Variants in SRSF10 observed in about 807,000 individuals in gnomAD.
SRSF10 encodes serine and arginine rich splicing factor 10, also known as serine/arginine-rich splicing factor 10.
In SRSF10, 9 loss-of-function variants were observed where a neutral mutation model predicts 32.6. That is an observed-to-expected ratio of 0.28 (90% confidence interval 0.17 to 0.48). SRSF10 has a LOEUF of 0.48. Among genes scored for constraint, SRSF10 ranks in the 20% least tolerant of loss-of-function variants. The probability of loss-of-function intolerance (pLI) is 0.99; values close to 1 mark genes in which losing one functional copy is unlikely to be tolerated. For synonymous variants in SRSF10, 105 were observed against 112.4 expected (o/e 0.93, Z 0.42); for missense variants, 201 against 331.8 (o/e 0.61, Z 3.06).
intron 1 of SRSF10, 58 bp downstream of exon 1, chr1:23,980,133 C>T (rs958002104): frequency 4.7e-6 from 7 of 1,499,682 alleles, no homozygotes; most frequent in Non-Finnish European, 5.4e-6. Flanking sequence ...CCACCAGGGT[C>T]CTCTCCAGGC....
chr1:23,980,070 G>T lies in SRSF10; in HGVS notation c.65+121C>A, dbSNP rs372538021. 15 of 1,137,392 alleles carry T rather than the reference G, an allele frequency of 1.3e-5. No homozygotes were observed. The East Asian group carries it at 2.5e-4, about 19-fold the overall frequency. 70.5% of individuals were successfully genotyped at this position (1,137,392 alleles called of 1,614,324 possible). ...CGCGGCCTAGTTCGGCGCCAAAGCGGGCGCGGGACCCGCCATCTTCACTCC... is the reference window on the plus strand; with the variant it reads ...CGCGGCCTAGTTCGGCGCCAAAGCGTGCGCGGGACCCGCCATCTTCACTCC... On this transcript the variant is annotated intron_variant, in intron 1 of 5. Transcript: ENST00000492112.
intron 2 of SRSF10, chr1:23,977,077 G>A (rs1642138812): frequency 6.6e-6 from 1 of 152,160 alleles, no homozygotes; most frequent in African/African-American, 2.4e-5. Context: ...TACTAAGCCA[G>A]ATATAGCTAT....
chr1:23,972,392 C>CT (rs1641812259), intron 3 of SRSF10, among the ~76,000 whole-genome samples: 1 of 147,918 alleles, frequency 6.8e-6, no homozygotes, highest in African/African-American at 2.5e-5. Context: ...GTCAGAGACC[C>CT]TGTCTCCAAA....
Position 23,969,405 on chromosome 1 carries a change from T to G in SRSF10, c.*1737A>C. The stretch of plus-strand genomic sequence containing the variant: ...CGATTGCATAGCAGAACATGAACAT[T>G]AACTGCAAACAGTAAAGAAATGAAA... On this transcript the variant is annotated 3_prime_UTR_variant, in exon 6 of 6. Transcript: ENST00000492112. 1.0e-6 allele frequency: 1 copy of G among 985,684 alleles called. No homozygotes were observed. The highest frequency in any genetic ancestry group is 1.2e-6 in the Non-Finnish European group (1 of 829,766). The allele number at this position is 985,684 out of a possible 1,614,324, so 61.1% of individuals were successfully genotyped here.
In SRSF10 at chr1:23,974,066, A is replaced by G. The variant is rs778442234; in HGVS notation, c.274+908T>C. Among the ~76,000 whole-genome samples the G allele has an allele frequency of 2.4e-3, 361 of 148,844 alleles. 1 individual carries two copies. Among genetic ancestry groups the G allele is most frequent in the Non-Finnish European group, 3.8e-3 (255 of 67,628 alleles). Reference sequence around the variant, plus strand: ...GAGTGCAGTGGCATGATCTCGGCTCACTGCAACCTCTGCCTGCCGGGTTCA... The same window carrying G: ...GAGTGCAGTGGCATGATCTCGGCTCGCTGCAACCTCTGCCTGCCGGGTTCA... On this transcript the variant is annotated intron_variant, in intron 3 of 5. Transcript: ENST00000492112.
chr1:23,966,037 C>A lies in SRSF10; in HGVS notation c.*5105G>T, dbSNP rs1159991650. ...TTTGACTCTAAGTAAATTCTAGATC[C>A]CATTATATCAATGTTACTATCTCCA... On this transcript the variant is annotated 3_prime_UTR_variant, in exon 6 of 6. Coordinates refer to ENST00000492112, the MANE Select transcript of SRSF10 (RefSeq NM_054016.4). 1.3e-5 allele frequency: 2 copies of A among 151,672 alleles called. No individual in the cohort carries two copies. Among genetic ancestry groups the A allele is most frequent in the African/African-American group, 4.8e-5 (2 of 41,348 alleles). The allele number at this position is 151,672 out of a possible 1,614,324, so 9.4% of individuals were successfully genotyped here.
At chr1:23,979,305 AATT>A (rs1450093957) in intron 1 of SRSF10, among the ~76,000 whole-genome samples, 41 of 131,062 alleles carry the variant, frequency 3.1e-4, no homozygotes, top group Non-Finnish European at 7.0e-5. Flanking sequence ...TTATGGAAAG[AATT>A]ATTGCTTTCT....
At chr1:23,979,990 C>G (rs746936063) in intron 1 of SRSF10, among the ~76,000 whole-genome samples, 1 of 152,214 alleles carries the variant, frequency 6.6e-6, no homozygotes, top group Non-Finnish European at 1.5e-5. Context: ...CGCCACGCGG[C>G]CCGGCGAAGG....
Position 23,964,971 on chromosome 1 carries a change from T to C in SRSF10, c.*6171A>G, listed in dbSNP as rs1641383495. On this transcript the variant is annotated 3_prime_UTR_variant, in exon 6 of 6. Transcript: ENST00000492112. ...TCCAAGAAAAATCCCCATTATGCAATACAAGGGTGAAACAGCTGTTACAAA... is the reference window on the plus strand; with the variant it reads ...TCCAAGAAAAATCCCCATTATGCAACACAAGGGTGAAACAGCTGTTACAAA... 1 of 151,824 alleles carries C rather than the reference T, an allele frequency of 6.6e-6. No individual in the cohort carries two copies. Among genetic ancestry groups the C allele is most frequent in the Non-Finnish European group, 1.5e-5 (1 of 67,828 alleles). 9.4% of individuals were successfully genotyped at this position (151,824 alleles called of 1,614,324 possible).
At position 23,970,605 on chromosome 1, in the gene SRSF10, C is replaced by G. The variant is rs573453094; in HGVS notation, c.*537G>C. The G allele has an allele frequency of 0.018, 16,662 of 901,836 alleles. 170 individuals carry two copies. The highest frequency in any genetic ancestry group is 0.02 in the Non-Finnish European group (15,340 of 753,920). 55.9% of individuals were successfully genotyped at this position (901,836 alleles called of 1,614,324 possible). A position where few individuals can be genotyped will look rare whatever the true frequency, so the allele number is the denominator to read the frequency against. On this transcript the variant is annotated 3_prime_UTR_variant, in exon 6 of 6. Coordinates refer to ENST00000492112, the MANE Select transcript of SRSF10 (RefSeq NM_054016.4). ...CGAACTCCTGACCTCGTGATCCGCC[C>G]GCCTCGGCCTCCCAAAGTGCTGGGA... is the stretch of plus-strand genomic sequence containing the variant.
Position 23,980,306 on chromosome 1 carries a change from G to A in SRSF10, c.-51C>T. The A allele has an allele frequency of 2.9e-6, 4 of 1,386,740 alleles. No homozygotes were observed. The highest frequency in any genetic ancestry group is 2.8e-6 in the Non-Finnish European group (3 of 1,062,018). The allele number at this position is 1,386,740 out of a possible 1,614,324, so 85.9% of individuals were successfully genotyped here. ...CACTAACGGGCTCAGCAAACCGTCC[G>A]CGGCTCAGGCGGCCGAGCCTCAGAC... On this transcript the variant is annotated 5_prime_UTR_variant, in exon 1 of 6. Coordinates refer to ENST00000492112, the MANE Select transcript of SRSF10 (RefSeq NM_054016.4).
chr1:23,969,387 A>G lies in SRSF10; in HGVS notation c.*1755T>C. ...AAGAAACGTGCATATAAACGATTGC[A>G]TAGCAGAACATGAACATTAACTGCA... On this transcript the variant is annotated 3_prime_UTR_variant, in exon 6 of 6. Coordinates refer to ENST00000492112, the MANE Select transcript of SRSF10 (RefSeq NM_054016.4). 1 of 985,780 alleles carries G rather than the reference A, an allele frequency of 1.0e-6. No homozygotes were observed. Among genetic ancestry groups the G allele is most frequent in the Non-Finnish European group, 1.2e-6 (1 of 829,826 alleles). 61.1% of individuals were successfully genotyped at this position (985,780 alleles called of 1,614,324 possible).
At chr1:23,974,876 G>T in intron 3 of SRSF10, 98 bp downstream of exon 3, 1 of 877,382 alleles carries the variant, frequency 1.1e-6, no homozygotes, top group Non-Finnish European at 1.8e-6. Context: ...GATCCCTTTG[G>T]GTTTTGAACA....
chr1:23,979,057 G>GTTTTTT (rs71655401), intron 1 of SRSF10: 11,180 of 133,786 alleles, frequency 0.084, 655 homozygotes, highest in East Asian at 0.3. Flanking sequence ...TATAAGCCTT[G>GTTTTTT]TTTTTTTTTT....
In SRSF10 at chr1:23,980,223, A is replaced by T; in HGVS notation, c.33T>A (p.Ser11=). 6.5e-7 allele frequency: 1 copy of T among 1,527,804 alleles called. No homozygotes were observed. The highest frequency in any genetic ancestry group is 1.2e-5 in the South Asian group (1 of 82,954). 94.6% of individuals were successfully genotyped at this position (1,527,804 alleles called of 1,614,324 possible). A position where few individuals can be genotyped will look rare whatever the true frequency, so the allele number is the denominator to read the frequency against. Residue 11 remains serine (S), a synonymous_variant, in exon 1 of 6, where the codon TCT becomes TCA. Coordinates refer to ENST00000492112, the MANE Select transcript of SRSF10 (RefSeq NM_054016.4). MSRYLRPPNT[S]LFVRNVADDT... is the part of the protein sequence containing the mutation. The stretch of plus-strand genomic sequence containing the variant: ...CGTCGGCCACGTTCCTGACGAACAG[A>T]GACGTGTTGGGGGGACGCAGGTAGC...
chr1:23,980,055 T>A, intron 1 of SRSF10, 136 bp downstream of exon 1: 1 of 977,228 alleles, frequency 1.0e-6, no homozygotes. Flanking sequence ...CGCGGCCTAG[T>A]TCGGCGCCAA....
At chr1:23,975,255 G>T in intron 2 of SRSF10, 178 bp from the exon 3 acceptor site, 2 of 569,184 alleles carry the variant, frequency 3.5e-6, no homozygotes, top group South Asian at 2.4e-5. Flanking sequence ...CACTATAAAA[G>T]CACTTGTGAT....
chr1:23,972,008 T>C lies in SRSF10; in HGVS notation c.279A>G (p.Pro93=). The part of the protein sequence containing the change: ...IQFAQGDRKT[P]NQMKAKEGRN... ...TCCCTTCCTTGGCTTTCATCTGATT[T>C]GGTGCTAGGAAATACAAAGAACAGA... is the stretch of plus-strand genomic sequence containing the variant. The change falls in exon 4 of 6, where the codon CCA becomes CCG. Residue 93 remains proline (P), a synonymous_variant. Coordinates refer to ENST00000492112, the MANE Select transcript of SRSF10 (RefSeq NM_054016.4). 1 of 1,500,464 alleles carries C rather than the reference T, an allele frequency of 6.7e-7. No homozygotes were observed. The allele number at this position is 1,500,464 out of a possible 1,614,324, so 92.9% of individuals were successfully genotyped here. A position where few individuals can be genotyped will look rare whatever the true frequency, so the allele number is the denominator to read the frequency against.
intron 3 of SRSF10, among the ~76,000 whole-genome samples, chr1:23,974,599 C>T (rs983908996): frequency 2.6e-5 from 4 of 152,096 alleles, no homozygotes; most frequent in Non-Finnish European, 4.4e-5. Flanking sequence ...GAGGCTGAGG[C>T]AGGTGGATCA....
Sources: allele counts gnomAD v4.1 joint callset (sites outside exome capture counted in the v4.1 genomes callset), GRCh38; gene constraint gnomAD v4.1.1; transcripts MANE v1.5; gene names NCBI Gene and HGNC (gene_info 2026-07-23, HGNC 2026-07-21).